INPP5B: variants seen among roughly 807,000 people sequenced by gnomAD.
INPP5B encodes type II inositol 1,4,5-trisphosphate 5-phosphatase.
A neutral mutation model predicts 118.5 loss-of-function variants in INPP5B; 90 were observed. That is an observed-to-expected ratio of 0.76 (90% confidence interval 0.64 to 0.90). The LOEUF is 0.90. INPP5B is among the 40% of genes least tolerant of loss of function. The pLI is 0.00. For missense variants in INPP5B, 984 were observed against 1,125.6 expected (o/e 0.87, Z 1.80); for synonymous variants, 385 against 418.9 (o/e 0.92, Z 0.99).
At chr1:37,929,667 C>CA (rs1482611955) in intron 7 of INPP5B, 3 of 152,096 alleles carry the variant, frequency 2.0e-5, no homozygotes, top group Non-Finnish European at 4.4e-5. Flanking sequence ...CCATTTCTTA[C>CA]CAATTTTAGC....
At chr1:37,871,155 CA>C (rs34490677) in intron 19 of INPP5B, among the ~76,000 whole-genome samples, 710 of 48,896 alleles carry the variant, frequency 0.015, 3 homozygotes, top group Non-Finnish European at 0.019. Context: ...AAGACTGTCT[CA>C]AAAAAAAAAA....
chr1:37,931,634 G>T (rs1259924191), intron 7 of INPP5B: 1 of 1,535,002 alleles, frequency 6.5e-7, no homozygotes, highest in South Asian at 1.2e-5. Flanking sequence ...GCCGCCCCCG[G>T]CCCAGCTCCC....
At chr1:37,940,604 T>A (rs1277853757) in intron 6 of INPP5B, 84 bp downstream of exon 6, 2 of 783,184 alleles carry the variant, frequency 2.6e-6, no homozygotes, top group African/African-American at 3.4e-5. Flanking sequence ...GGGGTAAGAG[T>A]CCAAAGGGTG....
At chr1:37,927,779 C>T (rs550824811) in intron 7 of INPP5B, among the ~76,000 whole-genome samples, 32 of 152,076 alleles carry the variant, frequency 2.1e-4, no homozygotes, top group African/African-American at 6.3e-4. Context: ...CCTCGTGATC[C>T]GCCCTCCTTG....
At chr1:37,936,652 G>A (rs1417985119) in intron 6 of INPP5B, among the ~76,000 whole-genome samples, 1 of 151,978 alleles carries the variant, frequency 6.6e-6, no homozygotes, top group African/African-American at 2.4e-5. Flanking sequence ...CTGTTTATAG[G>A]GGAGAGGGTG....
intron 7 of INPP5B, among the ~76,000 whole-genome samples, chr1:37,923,310 A>G (rs1645118073): frequency 6.6e-6 from 1 of 152,210 alleles, no homozygotes; most frequent in African/African-American, 2.4e-5. Flanking sequence ...CTTTATCCAG[A>G]AATAATAAGC....
chr1:37,941,281 C>T (rs538422711), intron 5 of INPP5B, among the ~76,000 whole-genome samples: 8 of 152,202 alleles, frequency 5.3e-5, no homozygotes, highest in South Asian at 2.1e-4. Flanking sequence ...TACCCAATAC[C>T]GGGCACATGG....
chr1:37,928,097 G>A (rs1426334751), intron 7 of INPP5B, among the ~76,000 whole-genome samples: 3 of 152,008 alleles, frequency 2.0e-5, no homozygotes, highest in African/African-American at 2.4e-5. Flanking sequence ...CTCTATCTAC[G>A]TATTATCAGA....
At chr1:37,910,408 T>G (rs1422692463) in intron 7 of INPP5B, among the ~76,000 whole-genome samples, 1 of 152,136 alleles carries the variant, frequency 6.6e-6, no homozygotes, top group Non-Finnish European at 1.5e-5. Context: ...GCTCCCTTAT[T>G]AGGTTGAGAC....
intron 13 of INPP5B, 53 bp from the exon 14 acceptor site, chr1:37,882,971 T>G (rs1001303770): frequency 6.7e-5 from 108 of 1,609,708 alleles, no homozygotes; most frequent in Non-Finnish European, 8.8e-5. Flanking sequence ...TTTAACCTGA[T>G]CTACCCAGGG....
At chr1:37,870,064 C>A (rs1642316163) in intron 19 of INPP5B, 1 of 151,380 alleles carries the variant, frequency 6.6e-6, no homozygotes, top group Non-Finnish European at 1.5e-5. Flanking sequence ...CATTGACCTA[C>A]CGATGATGAT....
chr1:37,885,436 G>A, intron 13 of INPP5B: 1 of 478,586 alleles, frequency 2.1e-6, no homozygotes, highest in Non-Finnish European at 3.7e-6. Context: ...AGTAAGAAAA[G>A]AGAAAGACTC....
At chr1:37,935,143 G>A (rs1334141488) in intron 6 of INPP5B, among the ~76,000 whole-genome samples, 5 of 144,336 alleles carry the variant, frequency 3.5e-5, no homozygotes, top group Admixed American at 2.8e-4. Context: ...GGAGCTTGCA[G>A]TGAGCCGAGA....
At chr1:37,931,710 C>A in intron 7 of INPP5B, 1 of 1,548,928 alleles carries the variant, frequency 6.5e-7, no homozygotes. Flanking sequence ...CGGCGGCAGA[C>A]ATTTCCCTGC....
chr1:37,880,359 G>A (rs554880549), intron 14 of INPP5B, among the ~76,000 whole-genome samples, 165 bp from the exon 15 acceptor site: 1 of 152,110 alleles, frequency 6.6e-6, no homozygotes, highest in African/African-American at 2.4e-5. Context: ...CCTAGGAAGT[G>A]GACAAGCTGA....
At chr1:37,890,093 A>G (rs1442879344) in intron 8 of INPP5B, among the ~76,000 whole-genome samples, 2 of 152,172 alleles carry the variant, frequency 1.3e-5, no homozygotes, top group African/African-American at 2.4e-5. Context: ...GTAATTGACA[A>G]GCCGGGCATG....
At chr1:37,894,561 CTTTTTT>C (rs759895009) in intron 7 of INPP5B, among the ~76,000 whole-genome samples, 14,171 of 138,978 alleles carry the variant, frequency 0.1, 811 homozygotes, top group Middle Eastern at 0.26. Flanking sequence ...TTTCTTTTTT[CTTTTTT>C]TTTTTTTTTT....
chr1:37,899,502 C>A (rs1030123559), intron 7 of INPP5B, among the ~76,000 whole-genome samples: 2 of 151,914 alleles, frequency 1.3e-5, no homozygotes, highest in Non-Finnish European at 2.9e-5. Flanking sequence ...GCAGAGGTTG[C>A]GGTGAGCCGA....
intron 7 of INPP5B, among the ~76,000 whole-genome samples, chr1:37,896,640 G>A (rs1303918948): frequency 1.4e-4 from 20 of 138,880 alleles, no homozygotes; most frequent in Admixed American, 2.1e-4. Flanking sequence ...CCGTCCGGGA[G>A]GTGAGGGGCG....
Sources: allele counts gnomAD v4.1 joint callset (sites outside exome capture counted in the v4.1 genomes callset), GRCh38; gene constraint gnomAD v4.1.1; transcripts MANE v1.5; gene names NCBI Gene and HGNC (gene_info 2026-07-23, HGNC 2026-07-21).